The following NSMCE2 variants were observed in gnomAD, a reference collection of about 807,000 sequenced individuals.
NSMCE2 encodes the protein E3 SUMO-protein ligase NSE2.
Under a neutral mutation model 23.8 loss-of-function variants are expected in NSMCE2, and 24 were observed. The observed-to-expected ratio is 1.01, with a 90% CI of 0.73 to 1.42. The LOEUF (loss-of-function observed/expected upper bound fraction) is 1.42, where lower values mean the gene tolerates loss of function less well. Ranked by LOEUF, NSMCE2 falls within the 40% of genes most tolerant of loss-of-function variation. NSMCE2 has a pLI of 0.00. For synonymous variants in NSMCE2, 92 were observed against 94.1 expected (o/e 0.98, Z 0.13); for missense variants, 284 against 296.5 (o/e 0.96, Z 0.31).
At chr8:125,291,799 C>A (rs953933913) in intron 5 of NSMCE2, among the ~76,000 whole-genome samples, 4 of 152,126 alleles carry the variant, frequency 2.6e-5, no homozygotes, top group Non-Finnish European at 4.4e-5. Context: ...GAGCTTTTTA[C>A]CTAGCTTTAT....
At chr8:125,358,637 T>G (rs6651237) in intron 7 of NSMCE2, among the ~76,000 whole-genome samples, 10,438 of 152,164 alleles carry the variant, frequency 0.069, 576 homozygotes, top group African/African-American at 0.16. Context: ...TGGCATTTCT[T>G]GTGCTCTTAT....
intron 5 of NSMCE2, among the ~76,000 whole-genome samples, chr8:125,200,744 C>T (rs1823834788): frequency 6.6e-6 from 1 of 152,178 alleles, no homozygotes; most frequent in Admixed American, 6.5e-5. Flanking sequence ...GGGAAGTTCT[C>T]CTGGATAATA....
At position 125,170,687 on chromosome 8, in the gene NSMCE2, C is replaced by T. The variant is rs1316942984; in HGVS notation, c.265-11416C>T. Among the ~76,000 whole-genome samples the T allele has an allele frequency of 3.3e-5, 5 of 152,066 alleles. No homozygotes were observed. The East Asian group carries it at 7.7e-4, about 23-fold the overall frequency. ...CCTCCCAAAGTGCTGGGATTACAGG[C>T]GTGAGCCACCGCACCCAGCCAACCT... On this transcript the variant is annotated intron_variant, in intron 4 of 7. Coordinates refer to ENST00000287437, the MANE Select transcript of NSMCE2 (RefSeq NM_173685.4).
chr8:125,157,186 A>G (rs966592375), intron 4 of NSMCE2, among the ~76,000 whole-genome samples: 5 of 152,200 alleles, frequency 3.3e-5, no homozygotes, highest in African/African-American at 9.7e-5. Flanking sequence ...ATTCCTGAGC[A>G]TGAGATAAAT....
intron 3 of NSMCE2, among the ~76,000 whole-genome samples, chr8:125,115,862 A>G (rs533117675): frequency 4.6e-5 from 7 of 152,370 alleles, no homozygotes; most frequent in African/African-American, 1.7e-4. Context: ...GAGCTGTCAT[A>G]GCCTACAATA....
intron 5 of NSMCE2, among the ~76,000 whole-genome samples, chr8:125,345,352 C>T (rs1563797356): frequency 6.6e-6 from 1 of 152,176 alleles, no homozygotes; most frequent in Non-Finnish European, 1.5e-5. Context: ...ACTCAAGGAC[C>T]AAATTGTCTT....
At position 125,102,128 on chromosome 8, in the gene NSMCE2, G is replaced by T; in HGVS notation, c.-33G>T. The T allele has an allele frequency of 1.9e-6, 1 of 533,908 alleles. No individual in the cohort carries two copies. The highest frequency in any genetic ancestry group is 3.4e-6 in the Non-Finnish European group (1 of 296,612). 33.1% of individuals were successfully genotyped at this position (533,908 alleles called of 1,614,324 possible). A position where few individuals can be genotyped will look rare whatever the true frequency, so the allele number is the denominator to read the frequency against. ...TTACCTTCCCCATATATTGAGTCCA[G>T]CTGTGTTTGGTGGCCCAGGTGAGTG... is the stretch of plus-strand genomic sequence containing the variant. On this transcript the variant is annotated 5_prime_UTR_variant, in exon 2 of 8. Coordinates refer to ENST00000287437, the MANE Select transcript of NSMCE2 (RefSeq NM_173685.4).
intron 5 of NSMCE2, among the ~76,000 whole-genome samples, chr8:125,322,840 T>A (rs1829508785): frequency 6.6e-6 from 1 of 152,246 alleles, no homozygotes; most frequent in Non-Finnish European, 1.5e-5. Flanking sequence ...TAAATGCCAT[T>A]TATGATATCA....
chr8:125,316,779 C>CTCTTTCTT (rs1191664276), intron 5 of NSMCE2, among the ~76,000 whole-genome samples: 15 of 140,784 alleles, frequency 1.1e-4, no homozygotes, highest in African/African-American at 2.7e-4. Flanking sequence ...TTCTCTCTCT[C>CTCTTTCTT]TCTTTCTTTC....
intron 3 of NSMCE2, among the ~76,000 whole-genome samples, chr8:125,121,874 GT>G (rs1385969502): frequency 6.6e-6 from 1 of 152,052 alleles, no homozygotes; most frequent in African/African-American, 2.4e-5. Context: ...TGAAGGAGTG[GT>G]TTTTGTTTTT....
intron 3 of NSMCE2, among the ~76,000 whole-genome samples, chr8:125,135,291 T>C (rs759192954): frequency 2.0e-5 from 3 of 151,978 alleles, no homozygotes; most frequent in Non-Finnish European, 4.4e-5. Context: ...CCTTAGGTGA[T>C]CCTCCCACCT....
At chr8:125,227,587 T>C (rs114536316) in intron 5 of NSMCE2, among the ~76,000 whole-genome samples, 3,273 of 152,334 alleles carry the variant, frequency 0.021, 128 homozygotes, top group African/African-American at 0.075. Context: ...GTATTGCAAT[T>C]CATATTAAAA....
intron 5 of NSMCE2, among the ~76,000 whole-genome samples, chr8:125,218,831 A>T (rs1412457755): frequency 6.6e-6 from 1 of 152,240 alleles, no homozygotes; most frequent in Non-Finnish European, 1.5e-5. Flanking sequence ...CCATACATTT[A>T]AAAATGGTTA....
chr8:125,174,816 C>G (rs1285806570), intron 4 of NSMCE2, among the ~76,000 whole-genome samples: 1 of 152,174 alleles, frequency 6.6e-6, no homozygotes, highest in African/African-American at 2.4e-5. Flanking sequence ...GAAGTATTCT[C>G]TCTTAAGTGT....
chr8:125,196,466 C>T (rs1037237817), intron 5 of NSMCE2, among the ~76,000 whole-genome samples: 10 of 152,096 alleles, frequency 6.6e-5, no homozygotes, highest in Non-Finnish European at 1.2e-4. Context: ...GGTTTCCTGT[C>T]CTTCTGATAG....
At chr8:125,097,661 G>A (rs1036127345) in intron 1 of NSMCE2, among the ~76,000 whole-genome samples, 1 of 151,872 alleles carries the variant, frequency 6.6e-6, no homozygotes, top group African/African-American at 2.4e-5. Flanking sequence ...TTGTGTAATC[G>A]GTTTCTTTTT....
At chr8:125,224,099 G>T (rs1586635755) in intron 5 of NSMCE2, among the ~76,000 whole-genome samples, 1 of 152,128 alleles carries the variant, frequency 6.6e-6, no homozygotes, top group East Asian at 1.9e-4. Flanking sequence ...GCCTCCCAAA[G>T]TGCTGGGATT....
chr8:125,310,932 A>C (rs1828952386), intron 5 of NSMCE2, among the ~76,000 whole-genome samples: 1 of 152,266 alleles, frequency 6.6e-6, no homozygotes, highest in African/African-American at 2.4e-5. Context: ...AATATGGTTT[A>C]TTGATGAATA....
chr8:125,337,525 T>C (rs1205377860), intron 5 of NSMCE2, among the ~76,000 whole-genome samples: 1 of 152,254 alleles, frequency 6.6e-6, no homozygotes, highest in Non-Finnish European at 1.5e-5. Flanking sequence ...AGATTACTAA[T>C]GGCCACCTAT....
Sources: gnomAD v4.1 joint callset for allele counts (sites outside exome capture counted in the v4.1 genomes callset) on GRCh38, gnomAD v4.1.1 for gene constraint, MANE v1.5 for transcripts, NCBI Gene and HGNC (gene_info 2026-07-23, HGNC 2026-07-21) for gene names.